Variants in NKAIN3 observed in about 807,000 individuals in gnomAD.
NKAIN3 encodes the protein sodium/potassium-transporting ATPase subunit beta-1-interacting protein 3.
A neutral mutation model predicts 30.2 loss-of-function variants in NKAIN3; 25 were observed. The ratio of observed to expected loss-of-function variants is 0.83; its 90% CI spans 0.60 to 1.16. The LOEUF (loss-of-function observed/expected upper bound fraction) is 1.16. NKAIN3 is among the 50% of genes most tolerant of loss of function. The pLI, the probability that NKAIN3 is intolerant of heterozygous loss-of-function variation, is 0.00. For missense variants in NKAIN3, 225 were observed against 254.1 expected, an observed-to-expected ratio of 0.89 and a Z score of 0.78; for synonymous variants, 91 against 89.6, an observed-to-expected ratio of 1.02 and a Z score of -0.09.
chr8:62,808,912 G>A (rs1463493068), intron 4 of NKAIN3, among the ~76,000 whole-genome samples: 1 of 152,072 alleles, frequency 6.6e-6, no homozygotes, highest in Non-Finnish European at 1.5e-5. Context: ...ATCCTAATAG[G>A]CCTGGGAGCG....
chr8:62,626,068 G>T (rs1811778391), intron 3 of NKAIN3, among the ~76,000 whole-genome samples: 1 of 152,038 alleles, frequency 6.6e-6, no homozygotes, highest in East Asian at 1.9e-4. Context: ...GCTAGTGTTT[G>T]AGTTCTCTTG....
intron 4 of NKAIN3, among the ~76,000 whole-genome samples, chr8:62,892,210 GA>G (rs574268377): frequency 2.0e-5 from 3 of 151,922 alleles, no homozygotes; most frequent in Admixed American, 6.6e-5. Context: ...TTCCAAATTA[GA>G]AAAAAATAAT....
chr8:62,495,946 C>T (rs1319342317), intron 1 of NKAIN3, among the ~76,000 whole-genome samples: 1 of 152,094 alleles, frequency 6.6e-6, no homozygotes, highest in South Asian at 2.1e-4. Flanking sequence ...AGTGCTTATG[C>T]CACAGCACAG....
At chr8:62,253,558 C>T (rs1317717461) in intron 1 of NKAIN3, among the ~76,000 whole-genome samples, 1 of 152,132 alleles carries the variant, frequency 6.6e-6, no homozygotes, top group Non-Finnish European at 1.5e-5. Context: ...GACAGAGTGA[C>T]ACTCTCTATC....
chr8:62,425,412 T>TA (rs1275947227), intron 1 of NKAIN3, among the ~76,000 whole-genome samples: 1 of 151,906 alleles, frequency 6.6e-6, no homozygotes, highest in African/African-American at 2.4e-5. Context: ...AAATTAATTT[T>TA]ATGTCTTTTT....
At position 62,984,632 on chromosome 8, in the gene NKAIN3, T is replaced by C. The variant is rs1334652841; in HGVS notation, c.*19225T>C. 1.3e-5 allele frequency: 2 copies of C among 152,226 alleles called. No homozygotes were observed. Among genetic ancestry groups the C allele is most frequent in the Non-Finnish European group, 2.9e-5 (2 of 68,032 alleles). 9.4% of individuals were successfully genotyped at this position (152,226 alleles called of 1,614,324 possible). On this transcript the variant is annotated 3_prime_UTR_variant, in exon 7 of 7. Coordinates refer to ENST00000623646, the MANE Select transcript of NKAIN3 (RefSeq NM_001304533.3). ...TCAAAGCCTATCAGGAGCTATCTTA[T>C]ATGATGTTGGTAGCCTGTGAAAAAA...
intron 1 of NKAIN3, among the ~76,000 whole-genome samples, chr8:62,400,026 A>C (rs1042911842): frequency 2.6e-5 from 4 of 152,140 alleles, no homozygotes; most frequent in Non-Finnish European, 5.9e-5. Flanking sequence ...GCAGAAGTAG[A>C]GAGTTTGGCT....
At chr8:62,845,313 A>ATATATATATATATATATG (rs1819655676) in intron 4 of NKAIN3, among the ~76,000 whole-genome samples, 1 of 138,572 alleles carries the variant, frequency 7.2e-6, no homozygotes, top group African/African-American at 2.7e-5. Flanking sequence ...ATATATATAT[A>ATATATATATATATATATG]GTACCTAATA....
At chr8:62,397,536 C>T (rs1817803122) in intron 1 of NKAIN3, among the ~76,000 whole-genome samples, 1 of 152,108 alleles carries the variant, frequency 6.6e-6, no homozygotes, top group African/African-American at 2.4e-5. Context: ...TGCTCAGAAT[C>T]AGAAACCACA....
chr8:62,376,858 G>A (rs771389956), intron 1 of NKAIN3, among the ~76,000 whole-genome samples: 17 of 151,760 alleles, frequency 1.1e-4, no homozygotes, highest in African/African-American at 2.2e-4. Context: ...ACATATAATC[G>A]TATTCTCTTA....
intron 3 of NKAIN3, among the ~76,000 whole-genome samples, chr8:62,709,195 G>A (rs180832552): frequency 6.6e-6 from 1 of 152,130 alleles, no homozygotes; most frequent in East Asian, 1.9e-4. Flanking sequence ...TTCTGGCTAT[G>A]TCCTTTCCTA....
chr8:62,604,188 A>G (rs1811057207), intron 3 of NKAIN3, among the ~76,000 whole-genome samples: 1 of 152,154 alleles, frequency 6.6e-6, no homozygotes, highest in Admixed American at 6.6e-5. Context: ...ATGAGGCAGA[A>G]CTGGCTGGTC....
At chr8:62,650,594 A>G (rs999759854) in intron 3 of NKAIN3, among the ~76,000 whole-genome samples, 12 of 152,168 alleles carry the variant, frequency 7.9e-5, no homozygotes, top group Non-Finnish European at 1.3e-4. Context: ...ATCTCATTTC[A>G]TAAGTAAGGC....
intron 1 of NKAIN3, among the ~76,000 whole-genome samples, chr8:62,446,818 C>T (rs928202472): frequency 1.3e-5 from 2 of 152,078 alleles, no homozygotes; most frequent in African/African-American, 2.4e-5. Flanking sequence ...AGTCATATTC[C>T]GCTGTATGTA....
intron 1 of NKAIN3, among the ~76,000 whole-genome samples, chr8:62,278,299 A>G (rs1487764999): frequency 6.6e-6 from 1 of 152,118 alleles, no homozygotes; most frequent in Admixed American, 6.6e-5. Flanking sequence ...GGGTCACATG[A>G]TAGAACTAAG....
intron 1 of NKAIN3, among the ~76,000 whole-genome samples, chr8:62,270,191 C>A (rs999522290): frequency 1.3e-5 from 2 of 152,032 alleles, no homozygotes; most frequent in Non-Finnish European, 2.9e-5. Context: ...GTGATCCTCC[C>A]ACCTCAGTCT....
chr8:62,487,112 C>T (rs1806926434), intron 1 of NKAIN3, among the ~76,000 whole-genome samples: 1 of 152,154 alleles, frequency 6.6e-6, no homozygotes, highest in African/African-American at 2.4e-5. Context: ...AAATAAAGGC[C>T]TGAACATTTA....
chr8:62,764,696 A>T (rs1351353), intron 4 of NKAIN3, among the ~76,000 whole-genome samples: 31,076 of 152,078 alleles, frequency 0.2, 3,737 homozygotes, highest in African/African-American at 0.32. Context: ...AGTGCATTTT[A>T]AAATACATGC....
intron 4 of NKAIN3, among the ~76,000 whole-genome samples, chr8:62,811,012 C>G (rs1424475364): frequency 6.6e-6 from 1 of 152,020 alleles, no homozygotes; most frequent in Non-Finnish European, 1.5e-5. Context: ...CACAGGGATT[C>G]CTTCTGTTGC....
Sources: gnomAD v4.1 joint callset for allele counts (sites outside exome capture counted in the v4.1 genomes callset) on GRCh38, gnomAD v4.1.1 for gene constraint, MANE v1.5 for transcripts, NCBI Gene and HGNC (gene_info 2026-07-23, HGNC 2026-07-21) for gene names.